Variants in NFIB observed in about 807,000 individuals in gnomAD.
NFIB encodes nuclear factor 1 B-type.
Under a neutral mutation model 61.5 loss-of-function variants are expected in NFIB, and 11 were observed. The ratio of observed to expected loss-of-function variants is 0.18; its 90% CI spans 0.11 to 0.30. NFIB has a LOEUF of 0.30. Among genes scored for constraint, NFIB ranks in the 10% least tolerant of loss-of-function variants. The pLI is 1.00. For synonymous variants in NFIB, 260 were observed against 216.5 expected, an observed-to-expected ratio of 1.20 and a Z score of -1.76; for missense variants, 471 against 608.9, an observed-to-expected ratio of 0.77 and a Z score of 2.38.
the NFIB span, among the ~76,000 whole-genome samples, chr9:14,510,085 A>G: frequency 1.3e-5 from 2 of 152,156 alleles, no homozygotes; most frequent in African/African-American, 4.8e-5. Flanking sequence ...TAGTAGAGAC[A>G]GGATTTCACC....
intron 10 of NFIB, among the ~76,000 whole-genome samples, chr9:14,101,451 G>A (rs1282218757): frequency 6.6e-6 from 1 of 152,106 alleles, no homozygotes; most frequent in Non-Finnish European, 1.5e-5. Context: ...GAACCAATAT[G>A]GAGATAGGCA....
In NFIB at chr9:14,084,977, G is replaced by A. The variant is rs1007827743; in HGVS notation, c.*3332C>T. 4 of 229,940 alleles carry A rather than the reference G, an allele frequency of 1.7e-5. No individual in the cohort carries two copies. The highest frequency in any genetic ancestry group is 6.6e-5 in the African/African-American group (3 of 45,138). The allele number at this position is 229,940 out of a possible 1,614,324, so 14.2% of individuals were successfully genotyped here. A position where few individuals can be genotyped will look rare whatever the true frequency, so the allele number is the denominator to read the frequency against. ...GAACTGCTCACTGGCAAAAAAGAGA[G>A]CGAGTCTGCCTTTAAAAAATACTGT... On this transcript the variant is annotated 3_prime_UTR_variant, in exon 11 of 11. Coordinates refer to ENST00000380953, the MANE Select transcript of NFIB (RefSeq NM_001190737.2).
chr9:14,354,918 A>G (rs1050054019), intron 1 of NFIB, among the ~76,000 whole-genome samples: 2 of 151,936 alleles, frequency 1.3e-5, no homozygotes, highest in African/African-American at 2.4e-5. Context: ...CACTGTCACT[A>G]TTCCTTGTGC....
intron 1 of NFIB, among the ~76,000 whole-genome samples, chr9:14,341,678 G>T (rs2060952180): frequency 6.6e-6 from 1 of 152,144 alleles, no homozygotes; most frequent in African/African-American, 2.4e-5. Flanking sequence ...CATGGAAAAA[G>T]GAAGTCTGAG....
At chr9:14,478,525 C>T in the NFIB span, among the ~76,000 whole-genome samples, 1 of 152,144 alleles carries the variant, frequency 6.6e-6, no homozygotes, top group African/African-American at 2.4e-5. Flanking sequence ...AAATTTATTA[C>T]ATTTATATAG....
At chr9:14,206,044 T>A (rs1361719313) in intron 2 of NFIB, among the ~76,000 whole-genome samples, 1 of 152,206 alleles carries the variant, frequency 6.6e-6, no homozygotes, top group African/African-American at 2.4e-5. Flanking sequence ...TTTTATCCTT[T>A]GTTTAATTAG....
intron 1 of NFIB, among the ~76,000 whole-genome samples, chr9:14,326,372 A>C (rs1157757460): frequency 6.6e-6 from 1 of 152,176 alleles, no homozygotes; most frequent in Non-Finnish European, 1.5e-5. Flanking sequence ...GTGGAGTTGA[A>C]ACACCACACT....
chr9:14,340,023 G>A (rs531483449), intron 1 of NFIB, among the ~76,000 whole-genome samples: 1 of 152,212 alleles, frequency 6.6e-6, no homozygotes, highest in Non-Finnish European at 1.5e-5. Flanking sequence ...TCTTCTTACA[G>A]ATGACCAGAC....
chr9:14,134,207 T>C (rs1364117925), intron 6 of NFIB, among the ~76,000 whole-genome samples: 1 of 152,224 alleles, frequency 6.6e-6, no homozygotes, highest in Non-Finnish European at 1.5e-5. Flanking sequence ...TTGAAATTAT[T>C]ACGGCTTATA....
intron 1 of NFIB, among the ~76,000 whole-genome samples, chr9:14,312,787 C>T (rs1266329796): frequency 6.6e-6 from 1 of 152,192 alleles, no homozygotes; most frequent in Admixed American, 6.5e-5. Flanking sequence ...GAACAGGTTT[C>T]CACAAAAGGA....
chr9:14,470,835 A>G, the NFIB span, among the ~76,000 whole-genome samples: 21,498 of 152,154 alleles, frequency 0.14, 1,757 homozygotes, highest in East Asian at 0.3. Flanking sequence ...GTAAGACCTC[A>G]GTGTAACCCA....
chr9:14,486,325 C>G, the NFIB span, among the ~76,000 whole-genome samples: 132 of 152,190 alleles, frequency 8.7e-4, no homozygotes, highest in Non-Finnish European at 1.5e-3. Flanking sequence ...GAGGAAGAGA[C>G]TAGATAGTCC....
At chr9:14,162,422 C>T (rs764576206) in intron 3 of NFIB, among the ~76,000 whole-genome samples, 37 of 152,020 alleles carry the variant, frequency 2.4e-4, no homozygotes, top group African/African-American at 8.2e-4. Context: ...TTACTGAATT[C>T]GTAGATTTAA....
At chr9:14,519,749 C>T in the NFIB span, among the ~76,000 whole-genome samples, 312 of 152,272 alleles carry the variant, frequency 2.0e-3, 2 homozygotes, top group African/African-American at 7.1e-3. Flanking sequence ...GATCCTGCTA[C>T]TACCCCCACA....
chr9:14,345,745 G>T (rs1356790911), intron 1 of NFIB, among the ~76,000 whole-genome samples: 1 of 152,128 alleles, frequency 6.6e-6, no homozygotes, highest in Non-Finnish European at 1.5e-5. Flanking sequence ...ACTTGAAGGT[G>T]GTTAGGTAAA....
intron 6 of NFIB, among the ~76,000 whole-genome samples, chr9:14,139,932 T>C (rs1383955758): frequency 2.6e-5 from 4 of 152,220 alleles, no homozygotes; most frequent in Non-Finnish European, 5.9e-5. Context: ...GGGTAGTACC[T>C]AGAAATTCAC....
chr9:14,517,874 T>G, the NFIB span, among the ~76,000 whole-genome samples: 1 of 152,192 alleles, frequency 6.6e-6, no homozygotes, highest in Non-Finnish European at 1.5e-5. Context: ...ATTAATCTTC[T>G]GCTCTCTCTT....
At chr9:14,427,956 T>TTTTTTTTG in the NFIB span, among the ~76,000 whole-genome samples, 1 of 115,860 alleles carries the variant, frequency 8.6e-6, no homozygotes, top group African/African-American at 3.2e-5. Context: ...TTTTTTTTTT[T>TTTTTTTTG]TTTTTTTTGG....
the NFIB span, among the ~76,000 whole-genome samples, chr9:14,512,839 T>C: frequency 6.6e-5 from 10 of 151,972 alleles, no homozygotes; most frequent in African/African-American, 2.4e-4. Flanking sequence ...ACAAAATGAA[T>C]TGAATAGCTT....
Sources: allele counts gnomAD v4.1 joint callset (sites outside exome capture counted in the v4.1 genomes callset), GRCh38; gene constraint gnomAD v4.1.1; transcripts MANE v1.5; gene names NCBI Gene and HGNC (gene_info 2026-07-23, HGNC 2026-07-21).